RBX1: variants seen among roughly 807,000 people sequenced by gnomAD.
The protein encoded by RBX1 is ring-box 1.
For missense variants in RBX1, 46 were observed against 141.4 expected (o/e 0.33, Z 3.42); for synonymous variants, 48 against 47.9 (o/e 1.00, Z -0.01).
At chr22:40,970,988 C>T (rs2058367596) in intron 4 of RBX1, among the ~76,000 whole-genome samples, 1 of 152,112 alleles carries the variant, frequency 6.6e-6, no homozygotes, top group Non-Finnish European at 1.5e-5. Flanking sequence ...TCCTTCCTGC[C>T]CTTGGAGCTT....
At chr22:40,963,148 A>G (rs935038126) in intron 2 of RBX1, among the ~76,000 whole-genome samples, 3 of 151,900 alleles carry the variant, frequency 2.0e-5, no homozygotes, top group African/African-American at 7.3e-5. Context: ...CCATAGTTTT[A>G]CTATTTTTCA....
At chr22:40,956,391 T>C (rs1208401448) in intron 2 of RBX1, among the ~76,000 whole-genome samples, 2 of 151,198 alleles carry the variant, frequency 1.3e-5, no homozygotes, top group African/African-American at 2.4e-5. Flanking sequence ...GGCAGGTCTT[T>C]ACCTTTTTTT....
intron 2 of RBX1, among the ~76,000 whole-genome samples, chr22:40,958,074 C>T (rs1569043129): frequency 6.6e-6 from 1 of 152,028 alleles, no homozygotes; most frequent in African/African-American, 2.4e-5. Context: ...TCACCCATCT[C>T]GGCCCCCAAA....
At chr22:40,964,319 T>G (rs1192692508) in intron 3 of RBX1, 5 of 460,364 alleles carry the variant, frequency 1.1e-5, no homozygotes, top group Non-Finnish European at 2.0e-5. Context: ...AAAGAGGCAC[T>G]TATTTGTCTT....
chr22:40,954,865 C>A (rs918570577), intron 2 of RBX1, among the ~76,000 whole-genome samples: 5 of 152,088 alleles, frequency 3.3e-5, no homozygotes, highest in African/African-American at 1.2e-4. Context: ...CAGCTCACTG[C>A]AACCTCCGCC....
intron 3 of RBX1, 158 bp from the exon 4 acceptor site, chr22:40,967,641 C>G (rs2058357701): frequency 5.3e-6 from 3 of 563,762 alleles, no homozygotes; most frequent in African/African-American, 3.8e-5. Flanking sequence ...TGCATCTAAC[C>G]AAGATATAAT....
intron 2 of RBX1, 139 bp from the exon 3 acceptor site, chr22:40,963,908 G>A: frequency 1.4e-5 from 9 of 657,682 alleles, no homozygotes; most frequent in Non-Finnish European, 2.5e-5. Flanking sequence ...TGTTATCTCT[G>A]TCTTCTCTGT....
At chr22:40,953,762 C>A in intron 2 of RBX1, 129 bp downstream of exon 2, 1 of 658,176 alleles carries the variant, frequency 1.5e-6, no homozygotes, top group Non-Finnish European at 2.9e-6. Context: ...TCTTCTGTAT[C>A]TAGTCTGTTG....
intron 4 of RBX1, 138 bp from the exon 5 acceptor site, chr22:40,972,338 C>CA: frequency 1.6e-6 from 1 of 621,016 alleles, no homozygotes; most frequent in Non-Finnish European, 2.9e-6. Flanking sequence ...AAGCTAGTGT[C>CA]AGTGTCGTCA....
intron 3 of RBX1, chr22:40,966,714 C>T (rs2058355356): frequency 6.6e-6 from 1 of 152,152 alleles, no homozygotes; most frequent in Non-Finnish European, 1.5e-5. Flanking sequence ...CCCTTAAGTT[C>T]CATACATACT....
chr22:40,962,521 A>T (rs2058343694), intron 2 of RBX1, among the ~76,000 whole-genome samples: 1 of 134,928 alleles, frequency 7.4e-6, no homozygotes. Flanking sequence ...TTTGAGACAG[A>T]GTCTCACTGT....
chr22:40,956,439 G>A (rs1277887787), intron 2 of RBX1, among the ~76,000 whole-genome samples: 2 of 147,804 alleles, frequency 1.4e-5, no homozygotes, highest in Non-Finnish European at 3.0e-5. Context: ...TGTCGCTCAG[G>A]CTGGAGTTCA....
intron 1 of RBX1, 28 bp from the exon 2 acceptor site, chr22:40,953,527 G>A (rs912845376): frequency 2.7e-6 from 4 of 1,458,086 alleles, no homozygotes; most frequent in Non-Finnish European, 3.8e-6. Context: ...CAAGCAGAAT[G>A]CACTGTTCCC....
At chr22:40,963,454 G>A (rs767315472) in intron 2 of RBX1, among the ~76,000 whole-genome samples, 8 of 151,922 alleles carry the variant, frequency 5.3e-5, no homozygotes, top group Admixed American at 5.2e-4. Flanking sequence ...TGGCCAACAC[G>A]GAGAAACCCC....
At chr22:40,955,220 G>T (rs2058322053) in intron 2 of RBX1, among the ~76,000 whole-genome samples, 1 of 151,202 alleles carries the variant, frequency 6.6e-6, no homozygotes, top group South Asian at 2.1e-4. Context: ...CTGAATGTAA[G>T]CCAGTACAAA....
rs148541224 is a variant in RBX1, at chr22:40,956,897, C to T, written c.157+3264C>T. 3.2e-3 allele frequency among the ~76,000 whole-genome samples: 485 copies of T among 151,526 alleles called. 3 individuals carry two copies. The highest frequency in any genetic ancestry group is 0.011 in the African/African-American group (462 of 41,350). On this transcript the variant is annotated intron_variant, in intron 2 of 4. Transcript: ENST00000216225. ...AAAAATACAAAAAATTAGCTGGGTG[C>T]GATGGCGGGCGCCTGTAGTCCCAGC...
Position 40,953,579 on chromosome 22 carries a change from T to C in RBX1, c.103T>C (p.Trp35Arg). The stretch of plus-strand genomic sequence containing the variant: ...GTGGAATGCAGTAGCCCTCTGGGCC[T>C]GGGATATTGTGGTTGATAACTGTGC... Reference protein sequence around the residue: ...KKWNAVALWAWDIVVDNCAIC... With the variant: ...KKWNAVALWARDIVVDNCAIC... The change falls in exon 2 of 5, where the codon TGG (tryptophan) becomes CGG (arginine). Residue 35 changes from tryptophan (W) to arginine (R), a missense_variant. Trp to Arg is a moderately radical substitution (Grantham distance 101). Transcript: ENST00000216225. 1 of 1,610,956 alleles carries C rather than the reference T, an allele frequency of 6.2e-7. No homozygotes were observed. The highest frequency in any genetic ancestry group is 8.5e-7 in the Non-Finnish European group (1 of 1,177,610).
intron 2 of RBX1, among the ~76,000 whole-genome samples, chr22:40,959,112 G>A (rs974104112): frequency 2.6e-5 from 4 of 152,164 alleles, no homozygotes; most frequent in South Asian, 2.1e-4. Context: ...CACCACGCCC[G>A]GCCCCGTCAG....
At chr22:40,951,617 GGGCGGGTCTTAGAGTTGATC>G (rs1745607665) in intron 1 of RBX1, 141 bp downstream of exon 1, 2 of 777,834 alleles carry the variant, frequency 2.6e-6, no homozygotes, top group African/African-American at 1.7e-5. Flanking sequence ...GGAAGCCGGG[GGGCGGGTCTTAGAGTTGATC>G]GGCGTGACGG....
Sources: gnomAD v4.1 joint callset for allele counts (sites outside exome capture counted in the v4.1 genomes callset) on GRCh38, gnomAD v4.1.1 for gene constraint, MANE v1.5 for transcripts, NCBI Gene and HGNC (gene_info 2026-07-23, HGNC 2026-07-21) for gene names.